Variants in DNAJC16 observed in about 807,000 individuals in gnomAD.
DNAJC16 encodes the protein dnaJ homolog subfamily C member 16.
DNAJC16 carries 76 observed loss-of-function variants against 92.7 expected under a neutral mutation model. That is an observed-to-expected ratio of 0.82 (90% CI 0.68 to 0.99). DNAJC16 has a LOEUF of 0.99. DNAJC16 is among the 50% of genes least tolerant of loss of function. The pLI is 0.00. For synonymous variants in DNAJC16, 328 were observed against 358.7 expected (o/e 0.91, Z 0.97); for missense variants, 869 against 942.4 (o/e 0.92, Z 1.02).
intron 7 of DNAJC16, among the ~76,000 whole-genome samples, chr1:15,551,093 T>TTCCTGACC (rs1638432657): frequency 6.6e-6 from 1 of 152,188 alleles, no homozygotes; most frequent in Admixed American, 6.5e-5. Context: ...TGTTCTTGAA[T>TTCCTGACC]TCCTGACCTC....
In DNAJC16 at chr1:15,571,687, A is replaced by C. The variant is rs754290143; in HGVS notation, c.*3510A>C. ...CAGGCACTGAAGCTGATGTTATTTTAAGATTACAGAATGGAAAAAGAAATA... is the reference window on the plus strand; with the variant it reads ...CAGGCACTGAAGCTGATGTTATTTTCAGATTACAGAATGGAAAAAGAAATA... On this transcript the variant is annotated 3_prime_UTR_variant, in exon 15 of 15. Coordinates refer to ENST00000375847, the MANE Select transcript of DNAJC16 (RefSeq NM_015291.4). 7.2e-5 allele frequency: 11 copies of C among 152,614 alleles called. No individual in the cohort carries two copies. The highest frequency in any genetic ancestry group is 1.5e-4 in the Non-Finnish European group (10 of 68,040). 9.5% of individuals were successfully genotyped at this position (152,614 alleles called of 1,614,324 possible). A position where few individuals can be genotyped will look rare whatever the true frequency, so the allele number is the denominator to read the frequency against.
At chr1:15,529,383 A>G (rs1371824722) in intron 2 of DNAJC16, 111 bp downstream of exon 2, 63 of 1,087,610 alleles carry the variant, frequency 5.8e-5, no homozygotes, top group Admixed American at 9.4e-5. Flanking sequence ...TTCAATATAT[A>G]TATCTGTCTA....
At chr1:15,558,617 C>T (rs2103423136) in intron 7 of DNAJC16, among the ~76,000 whole-genome samples, 1 of 152,250 alleles carries the variant, frequency 6.6e-6, no homozygotes, top group East Asian at 1.9e-4. Flanking sequence ...GAGGAATGAG[C>T]CTCCATACCT....
chr1:15,535,082 A>G (rs1198905109), intron 3 of DNAJC16, among the ~76,000 whole-genome samples: 1 of 152,258 alleles, frequency 6.6e-6, no homozygotes, highest in Non-Finnish European at 1.5e-5. Flanking sequence ...TGCTTAGCTC[A>G]TAGAATAACA....
chr1:15,552,032 A>AAC (rs1553147943), intron 7 of DNAJC16, among the ~76,000 whole-genome samples: 2 of 151,076 alleles, frequency 1.3e-5, no homozygotes, highest in African/African-American at 4.9e-5. Context: ...CTGTCTCAAA[A>AAC]AAAAAAAAAT....
chr1:15,534,244 GACAAAA>G lies in DNAJC16; in HGVS notation c.181_186del (p.Asn61_Lys62del). The G allele has an allele frequency of 6.2e-7, 1 of 1,613,790 alleles. No individual in the cohort carries two copies. The highest frequency in any genetic ancestry group is 2.2e-5 in the East Asian group (1 of 44,830). On this transcript the variant is annotated inframe_deletion, in exon 3 of 15. Transcript: ENST00000375847. Reference sequence around the variant, plus strand: ...TGCCTGTTTGTGTTTCAGGCATCCTGACAAAAACAAAGATCCTGGAGCAGAAGACAA... The same window carrying G: ...TGCCTGTTTGTGTTTCAGGCATCCTGACAAAGATCCTGGAGCAGAAGACAA...
At chr1:15,556,322 A>T (rs7544382) in intron 7 of DNAJC16, among the ~76,000 whole-genome samples, 23 of 151,142 alleles carry the variant, frequency 1.5e-4, no homozygotes, top group Non-Finnish European at 3.2e-4. Flanking sequence ...GCAACCTCCA[A>T]CTCCCGGGTT....
At chr1:15,547,348 A>G (rs1484936841) in intron 6 of DNAJC16, among the ~76,000 whole-genome samples, 3 of 151,388 alleles carry the variant, frequency 2.0e-5, no homozygotes, top group African/African-American at 7.3e-5. Context: ...GGGTTTCACC[A>G]TGTTGGCCAG....
chr1:15,568,056 C>G lies in DNAJC16; in HGVS notation c.2228C>G (p.Ser743Cys), dbSNP rs1422887638. ...CTGGGTGAATCTCGAGGGAAACCTT[C>G]CTGTGGCCTTGGATCCAGGCCCATC... is the stretch of plus-strand genomic sequence containing the variant. ...LYLGESRGKP[S>C]CGLGSRPIKG... Residue 743 changes from serine to cysteine, a missense_variant, in exon 15 of 15, where the codon TCC becomes TGC. Ser to Cys is a moderately radical substitution (Grantham distance 112). Transcript: ENST00000375847. 1.2e-6 allele frequency: 2 copies of G among 1,614,180 alleles called. No homozygotes were observed. Among genetic ancestry groups the G allele is most frequent in the African/African-American group, 1.3e-5 (1 of 75,042 alleles).
At chr1:15,564,164 A>G (rs1185928261) in intron 10 of DNAJC16, 53 bp downstream of exon 10, 1 of 1,604,314 alleles carries the variant, frequency 6.2e-7, no homozygotes, top group African/African-American at 1.3e-5. Context: ...GTGAGTACAC[A>G]GTGCTGGTGG....
In DNAJC16 at chr1:15,548,324, T is replaced by C; in HGVS notation, c.919T>C (p.Leu307=). The change falls in exon 7 of 15, where the codon TTG becomes CTG. Residue 307 remains leucine (L), a synonymous_variant. Coordinates refer to ENST00000375847, the MANE Select transcript of DNAJC16 (RefSeq NM_015291.4). ...YLSFGYVYVG[L]RGTEEMTRRY... ...ATCATTTGGATATGTATATGTGGGT[T>C]TGAGAGGGACGGAAGAGATGACAAG... 6.2e-7 allele frequency: 1 copy of C among 1,614,188 alleles called. No homozygotes were observed. Among genetic ancestry groups the C allele is most frequent in the South Asian group, 1.1e-5 (1 of 91,084 alleles).
In DNAJC16 at chr1:15,548,292, ATTAT is replaced by A. The variant is rs1311840276; in HGVS notation, c.892_895del (p.Leu298HisfsTer9). ...CAGTTGACTGCCTTTGCATACAAAG[ATTAT>A]TTATCATTTGGATATGTATATGTGG... On this transcript the variant is annotated frameshift_variant, in exon 7 of 15. Coordinates refer to ENST00000375847, the MANE Select transcript of DNAJC16 (RefSeq NM_015291.4). LOFTEE classifies it high-confidence loss of function. The A allele has an allele frequency of 6.2e-7, 1 of 1,614,014 alleles. No individual in the cohort carries two copies. Among genetic ancestry groups the A allele is most frequent in the East Asian group, 2.2e-5 (1 of 44,878 alleles).
intron 11 of DNAJC16, 50 bp downstream of exon 11, chr1:15,564,409 C>A (rs1638763569): frequency 1.7e-6 from 2 of 1,154,774 alleles, no homozygotes; most frequent in African/African-American, 1.5e-5. Context: ...ATACTGATAT[C>A]ACTGTTTTTC....
At chr1:15,562,421 T>A in intron 9 of DNAJC16, 96 bp downstream of exon 9, 1 of 1,262,582 alleles carries the variant, frequency 7.9e-7, no homozygotes, top group South Asian at 1.8e-5. Context: ...ATACAGATTC[T>A]AGGAAATCTG....
At chr1:15,566,829 A>T (rs1383073448) in intron 13 of DNAJC16, among the ~76,000 whole-genome samples, 1 of 152,174 alleles carries the variant, frequency 6.6e-6, no homozygotes, top group Non-Finnish European at 1.5e-5. Flanking sequence ...GGCTGCAGTG[A>T]GCCATGATCA....
chr1:15,544,652 A>G (rs1193119847), intron 5 of DNAJC16, 69 bp downstream of exon 5: 2 of 1,508,378 alleles, frequency 1.3e-6, no homozygotes, highest in Non-Finnish European at 9.0e-7. Context: ...TTAATTGCCC[A>G]GAACATTTTC....
At chr1:15,532,155 T>C (rs900080138) in intron 2 of DNAJC16, among the ~76,000 whole-genome samples, 1 of 152,220 alleles carries the variant, frequency 6.6e-6, no homozygotes, top group African/African-American at 2.4e-5. Context: ...AATGGCAGAT[T>C]GGTGTGACGT....
At chr1:15,538,800 C>T (rs1710855605) in intron 4 of DNAJC16, among the ~76,000 whole-genome samples, 1 of 152,202 alleles carries the variant, frequency 6.6e-6, no homozygotes, top group Non-Finnish European at 1.5e-5. Context: ...AAAAAGTCAT[C>T]CTAAATACTG....
At chr1:15,532,090 G>T (rs560609428) in intron 2 of DNAJC16, among the ~76,000 whole-genome samples, 3 of 152,080 alleles carry the variant, frequency 2.0e-5, no homozygotes, top group Non-Finnish European at 4.4e-5. Context: ...TTTATCGTAG[G>T]TACTTTTTGT....
Sources: allele counts gnomAD v4.1 joint callset (sites outside exome capture counted in the v4.1 genomes callset), GRCh38; gene constraint gnomAD v4.1.1; transcripts MANE v1.5; gene names NCBI Gene and HGNC (gene_info 2026-07-23, HGNC 2026-07-21).